Variants in LRP1B observed in about 807,000 individuals in gnomAD.
The protein encoded by LRP1B is low-density lipoprotein receptor-related protein 1B.
Under a neutral mutation model 556.6 loss-of-function variants are expected in LRP1B, and 217 were observed. That is an observed-to-expected ratio of 0.39 (90% CI 0.35 to 0.44). The LOEUF is 0.44. Among genes scored for constraint, LRP1B ranks in the 20% least tolerant of loss-of-function variants. LRP1B has a pLI of 1.00. For synonymous variants in LRP1B, 2,047 were observed against 1,865.8 expected (o/e 1.10, Z -2.50); for missense variants, 5,053 against 5,620.8 (o/e 0.90, Z 3.23).
At chr2:141,417,756 C>CT (rs1679960653) in intron 3 of LRP1B, among the ~76,000 whole-genome samples, 1 of 106,242 alleles carries the variant, frequency 9.4e-6, no homozygotes, top group Non-Finnish European at 2.0e-5. Context: ...TATGGTAGTT[C>CT]TATTTTTTTT....
chr2:140,285,012 C>CTCTG (rs1553439372), intron 84 of LRP1B, among the ~76,000 whole-genome samples: 14 of 140,912 alleles, frequency 9.9e-5, no homozygotes, highest in Non-Finnish European at 1.9e-4. Context: ...AGATATCTCT[C>CTCTG]TGTGTGTGTG....
intron 41 of LRP1B, among the ~76,000 whole-genome samples, chr2:140,639,842 TCTAA>T (rs1042764614): frequency 6.6e-6 from 1 of 152,110 alleles, no homozygotes; most frequent in Non-Finnish European, 1.5e-5. Context: ...ACTTCCTCTT[TCTAA>T]CTCTCTCCAG....
intron 59 of LRP1B, among the ~76,000 whole-genome samples, chr2:140,476,370 T>C (rs1302476691): frequency 6.6e-6 from 1 of 151,994 alleles, no homozygotes; most frequent in Non-Finnish European, 1.5e-5. Context: ...GTTCTTCAGA[T>C]TTACAAGATT....
At chr2:141,911,973 C>T (rs916468) in intron 1 of LRP1B, among the ~76,000 whole-genome samples, 132,564 of 152,150 alleles carry the variant, frequency 0.87, 57,851 homozygotes, top group East Asian at 1. Flanking sequence ...TAGCAATTGT[C>T]AGTATTCTAA....
chr2:141,924,958 G>A (rs750664473), intron 1 of LRP1B, among the ~76,000 whole-genome samples: 9 of 152,048 alleles, frequency 5.9e-5, no homozygotes, highest in Non-Finnish European at 1.0e-4. Context: ...TAATTGGTTG[G>A]TATTTATTTT....
intron 2 of LRP1B, among the ~76,000 whole-genome samples, chr2:141,488,999 C>T (rs886521515): frequency 7.8e-4 from 115 of 147,498 alleles, no homozygotes; most frequent in Admixed American, 4.1e-4. Flanking sequence ...TTTTTTGAGA[C>T]GGGGTCTTGT....
At chr2:141,641,356 G>A (rs1436700904) in intron 2 of LRP1B, among the ~76,000 whole-genome samples, 1 of 151,850 alleles carries the variant, frequency 6.6e-6, no homozygotes, top group African/African-American at 2.4e-5. Context: ...CCCCAACATT[G>A]ATATAAAGAA....
chr2:141,286,562 A>C (rs1685729338), intron 3 of LRP1B, among the ~76,000 whole-genome samples: 1 of 152,184 alleles, frequency 6.6e-6, no homozygotes, highest in South Asian at 2.1e-4. Flanking sequence ...ATGTTTAATA[A>C]AATTAGCCAA....
chr2:142,113,547 G>T (rs1357839497), intron 1 of LRP1B, among the ~76,000 whole-genome samples: 1 of 149,710 alleles, frequency 6.7e-6, no homozygotes, highest in Non-Finnish European at 1.5e-5. Context: ...GTAGAACAAG[G>T]TCTCATCAGC....
intron 3 of LRP1B, among the ~76,000 whole-genome samples, chr2:141,374,425 C>T (rs1166767179): frequency 6.6e-6 from 1 of 152,138 alleles, no homozygotes; most frequent in Non-Finnish European, 1.5e-5. Context: ...AAATCTCTTG[C>T]TAGAGTTGGG....
intron 41 of LRP1B, among the ~76,000 whole-genome samples, chr2:140,674,158 C>G (rs563509363): frequency 2.3e-4 from 35 of 152,070 alleles, no homozygotes; most frequent in African/African-American, 7.7e-4. Flanking sequence ...CCATGTTGGT[C>G]AGGCTGGTCT....
At chr2:140,845,321 A>T (rs532700608) in intron 29 of LRP1B, among the ~76,000 whole-genome samples, 1 of 152,272 alleles carries the variant, frequency 6.6e-6, no homozygotes, top group Admixed American at 6.5e-5. Context: ...TTCATTGAGA[A>T]CCTACTATTT....
chr2:140,457,320 A>C, intron 61 of LRP1B, 143 bp downstream of exon 61: 1 of 663,186 alleles, frequency 1.5e-6, no homozygotes, highest in South Asian at 2.0e-5. Flanking sequence ...TATTGACTGA[A>C]TTCTTCCATA....
chr2:140,399,928 T>C (rs1684421148), intron 66 of LRP1B, among the ~76,000 whole-genome samples: 1 of 152,238 alleles, frequency 6.6e-6, no homozygotes, highest in Admixed American at 6.5e-5. Context: ...AATTTTGTTT[T>C]TCCTTGAAAA....
At chr2:140,688,014 T>G (rs763020802) in intron 41 of LRP1B, among the ~76,000 whole-genome samples, 10 of 152,148 alleles carry the variant, frequency 6.6e-5, no homozygotes, top group East Asian at 1.9e-4. Flanking sequence ...AGTTATAATA[T>G]GTACACTGTC....
chr2:141,646,283 A>G (rs372197486), intron 2 of LRP1B, among the ~76,000 whole-genome samples: 82 of 152,300 alleles, frequency 5.4e-4, no homozygotes, highest in African/African-American at 1.9e-3. Context: ...CCAAATGTAT[A>G]TAGTGTAGAG....
chr2:141,532,518 T>C (rs911364134), intron 2 of LRP1B, among the ~76,000 whole-genome samples: 1 of 150,774 alleles, frequency 6.6e-6, no homozygotes, highest in African/African-American at 2.4e-5. Context: ...ATTTTTTTTT[T>C]CAGCATGGAC....
intron 20 of LRP1B, among the ~76,000 whole-genome samples, chr2:140,929,568 GA>G (rs1694987119): frequency 6.6e-6 from 1 of 152,006 alleles, no homozygotes; most frequent in African/African-American, 2.4e-5. Flanking sequence ...AGGCATTTGG[GA>G]ACCACAGAAA....
intron 2 of LRP1B, among the ~76,000 whole-genome samples, chr2:141,728,915 C>T (rs1441254205): frequency 5.3e-5 from 8 of 152,166 alleles, no homozygotes; most frequent in Non-Finnish European, 1.0e-4. Flanking sequence ...TTCCTGTCTC[C>T]CTTCTGTCTG....
Sources: allele counts gnomAD v4.1 joint callset (sites outside exome capture counted in the v4.1 genomes callset), GRCh38; gene constraint gnomAD v4.1.1; transcripts MANE v1.5; gene names NCBI Gene and HGNC (gene_info 2026-07-23, HGNC 2026-07-21).